Variants in ACTR1A observed in about 807,000 individuals in gnomAD.
ACTR1A encodes the protein actin related protein 1A.
A neutral mutation model predicts 50.7 loss-of-function variants in ACTR1A; 10 were observed. The ratio of observed to expected loss-of-function variants is 0.20; its 90% confidence interval spans 0.12 to 0.33. ACTR1A has a LOEUF of 0.33. Among genes scored for constraint, ACTR1A ranks in the 10% least tolerant of loss-of-function variants. The probability of loss-of-function intolerance (pLI) is 1.00; values close to 1 mark genes in which losing one functional copy is unlikely to be tolerated. For missense variants in ACTR1A, 253 were observed against 491.7 expected (o/e 0.51, Z 4.59); for synonymous variants, 177 against 184.2 (o/e 0.96, Z 0.32).
At chr10:102,485,569 G>A (rs1490281112) in intron 5 of ACTR1A, 40 bp downstream of exon 5, 1 of 1,610,398 alleles carries the variant, frequency 6.2e-7, no homozygotes, top group East Asian at 2.2e-5. Context: ...CCAAAGGACT[G>A]CTTTCCCCGC....
chr10:102,489,480 A>T (rs374958490), intron 2 of ACTR1A, among the ~76,000 whole-genome samples: 1 of 152,338 alleles, frequency 6.6e-6, no homozygotes, highest in South Asian at 2.1e-4. Flanking sequence ...AACTCAAAAC[A>T]TTTTAGTGTC....
Position 102,479,706 on chromosome 10 carries a change from C to T in ACTR1A, c.*1157G>A. ...CTCTACAACCTAGTCCCCTGGTCAG[C>T]TACAGTGGCAAAAGGCAACTTGGTA... On this transcript the variant is annotated 3_prime_UTR_variant, in exon 11 of 11. Transcript: ENST00000369905. The surrounding 1 kb of genome is among the most constrained non-coding windows in gnomAD (Gnocchi z 4.0). 7.8e-7 allele frequency: 1 copy of T among 1,286,376 alleles called. No homozygotes were observed. The highest frequency in any genetic ancestry group is 1.0e-6 in the Non-Finnish European group (1 of 986,824). The allele number at this position is 1,286,376 out of a possible 1,614,324, so 79.7% of individuals were successfully genotyped here. A position where few individuals can be genotyped will look rare whatever the true frequency, so the allele number is the denominator to read the frequency against.
chr10:102,488,361 C>G lies in ACTR1A; in HGVS notation c.190-86G>C. 1 of 1,554,654 alleles carries G rather than the reference C, an allele frequency of 6.4e-7. No homozygotes were observed. Among genetic ancestry groups the G allele is most frequent in the Non-Finnish European group, 8.8e-7 (1 of 1,134,770 alleles). On this transcript the variant is annotated intron_variant, in intron 3 of 10. Coordinates refer to ENST00000369905, the MANE Select transcript of ACTR1A (RefSeq NM_005736.4). This position sits in a 1 kb window ranked among gnomAD's most constrained non-coding sequence, Gnocchi z 4.4. ...CAAGACTAAGCAGTGCAAGCTGAAT[C>G]CCTTGCAAAGAAGCCTCAGCTTCCT...
At chr10:102,491,214 G>T (rs985616246) in intron 1 of ACTR1A, among the ~76,000 whole-genome samples, 1 of 152,130 alleles carries the variant, frequency 6.6e-6, no homozygotes, top group African/African-American at 2.4e-5. Flanking sequence ...GGAAGAAAAA[G>T]ACAGAAAACC....
At chr10:102,481,697 T>C in intron 9 of ACTR1A, 140 bp downstream of exon 9, 1 of 961,578 alleles carries the variant, frequency 1.0e-6, no homozygotes, top group South Asian at 1.5e-5. Context: ...AGGGTCAGTG[T>C]ACAGGCTGGG....
chr10:102,502,166 G>A (rs983710196), intron 1 of ACTR1A, among the ~76,000 whole-genome samples: 5 of 152,248 alleles, frequency 3.3e-5, no homozygotes, highest in African/African-American at 1.2e-4. Context: ...AAAACAATAT[G>A]GCGGCAAGGA....
At chr10:102,486,845 G>A (rs1170111970) in intron 4 of ACTR1A, among the ~76,000 whole-genome samples, 2 of 151,180 alleles carry the variant, frequency 1.3e-5, no homozygotes, top group Non-Finnish European at 1.5e-5. Context: ...GAGTTCAGTG[G>A]TGCGATCTTG....
chr10:102,487,742 C>T (rs2062175741), intron 4 of ACTR1A, among the ~76,000 whole-genome samples: 1 of 151,392 alleles, frequency 6.6e-6, no homozygotes, highest in Non-Finnish European at 1.5e-5. Flanking sequence ...CGCCATTCTC[C>T]TGCCTCAGCC....
At chr10:102,483,298 GT>G in intron 6 of ACTR1A, 195 bp from the exon 7 acceptor site, 1 of 556,308 alleles carries the variant, frequency 1.8e-6, no homozygotes, top group South Asian at 2.3e-5. Flanking sequence ...TAGCATATGA[GT>G]TCTTAACCGC....
In ACTR1A at chr10:102,502,674, AG is replaced by A; in HGVS notation, c.-28del. ...GCAGAGGAATCTCTCCTTCTGGGGA[AG>A]GAACTGCCCAGCCGGGTCCGCCGCT... On this transcript the variant is annotated 5_prime_UTR_variant, in exon 1 of 11. Transcript: ENST00000369905. The A allele has an allele frequency of 3.1e-6, 5 of 1,613,628 alleles. No homozygotes were observed. Among genetic ancestry groups the A allele is most frequent in the Non-Finnish European group, 4.2e-6 (5 of 1,179,506 alleles).
chr10:102,484,839 CA>C (rs566701127), intron 5 of ACTR1A, among the ~76,000 whole-genome samples: 4 of 152,094 alleles, frequency 2.6e-5, no homozygotes, highest in Non-Finnish European at 5.9e-5. Flanking sequence ...AGCCTCCCTC[CA>C]AAAAAAGGCA....
At chr10:102,491,747 T>C (rs1004053726) in intron 1 of ACTR1A, among the ~76,000 whole-genome samples, 7 of 152,144 alleles carry the variant, frequency 4.6e-5, no homozygotes, top group African/African-American at 1.7e-4. Context: ...AGGCTTAGTA[T>C]TGCTTGTAGA....
At chr10:102,497,280 A>C (rs76798518) in intron 1 of ACTR1A, among the ~76,000 whole-genome samples, 2 of 151,926 alleles carry the variant, frequency 1.3e-5, no homozygotes, top group Admixed American at 6.6e-5. Flanking sequence ...GAACGTATGG[A>C]TGTTCCTTAC....
intron 1 of ACTR1A, among the ~76,000 whole-genome samples, chr10:102,496,279 T>C (rs1589965031): frequency 6.6e-6 from 1 of 152,192 alleles, no homozygotes; most frequent in African/African-American, 2.4e-5. Context: ...CAGTTAACAT[T>C]TTGGTCAGGC....
At chr10:102,495,305 C>A (rs990392487) in intron 1 of ACTR1A, among the ~76,000 whole-genome samples, 5 of 152,152 alleles carry the variant, frequency 3.3e-5, no homozygotes, top group Admixed American at 1.3e-4. Flanking sequence ...CGCAGTAGCT[C>A]ACACCTGTAA....
intron 5 of ACTR1A, among the ~76,000 whole-genome samples, chr10:102,485,216 G>A (rs906865879): frequency 6.6e-6 from 1 of 152,228 alleles, no homozygotes; most frequent in Non-Finnish European, 1.5e-5. Flanking sequence ...GGACTGTGGT[G>A]GCATTCGGAT....
chr10:102,502,001 G>T (rs2062255091), intron 1 of ACTR1A, among the ~76,000 whole-genome samples: 1 of 152,156 alleles, frequency 6.6e-6, no homozygotes, highest in Non-Finnish European at 1.5e-5. Context: ...GCCCCACCCA[G>T]ATCCACACCA....
rs2062144466 is a variant in ACTR1A, at chr10:102,481,912, G to A, written c.926-14C>T. ...TGTCACCAAAACCTGAATGGGCAAA[G>A]AGGAGAACTTCAAGTCAATTCTCAG... On this transcript the variant is annotated splice_polypyrimidine_tract_variant and intron_variant, in intron 8 of 10. Coordinates refer to ENST00000369905, the MANE Select transcript of ACTR1A (RefSeq NM_005736.4). 6.2e-7 allele frequency: 1 copy of A among 1,613,246 alleles called. No homozygotes were observed.
chr10:102,480,994 G>A, intron 10 of ACTR1A, 29 bp from the exon 11 acceptor site: 4 of 1,594,816 alleles, frequency 2.5e-6, no homozygotes, highest in Middle Eastern at 1.7e-4. Context: ...GAGGAACTGT[G>A]TGAGAGAGAA....
Sources: gnomAD v4.1 joint callset for allele counts (sites outside exome capture counted in the v4.1 genomes callset) on GRCh38, gnomAD v4.1.1 for gene constraint, Gnocchi (gnomAD v3.1) non-coding constraint, MANE v1.5 for transcripts, NCBI Gene and HGNC (gene_info 2026-07-23, HGNC 2026-07-21) for gene names.